NKX2-5: variants seen among roughly 807,000 people sequenced by gnomAD.
The protein encoded by NKX2-5 is homeobox protein Nkx-2.5.
A neutral mutation model predicts 24.5 loss-of-function variants in NKX2-5; 3 were observed. The observed-to-expected ratio is 0.12, with a 90% CI of 0.06 to 0.32. NKX2-5 has a LOEUF of 0.32. Among genes scored for constraint, NKX2-5 ranks in the 10% least tolerant of loss-of-function variants. The pLI is 1.00. For missense variants in NKX2-5, 429 were observed against 452.4 expected, an observed-to-expected ratio of 0.95 and a Z score of 0.47; for synonymous variants, 215 against 217.6, an observed-to-expected ratio of 0.99 and a Z score of 0.11.
At chr5:173,234,511 G>A (rs1172775049) in intron 1 of NKX2-5, among the ~76,000 whole-genome samples, 2 of 152,064 alleles carry the variant, frequency 1.3e-5, no homozygotes, top group African/African-American at 4.8e-5. Flanking sequence ...TTGTTAGGCC[G>A]GGGGGAAACG....
rs1761328985 is a variant in NKX2-5, at chr5:173,232,263, C to G, written c.*306G>C. 1 of 432,998 alleles carries G rather than the reference C, an allele frequency of 2.3e-6. No homozygotes were observed. Among genetic ancestry groups the G allele is most frequent in the Non-Finnish European group, 4.1e-6 (1 of 244,318 alleles). 26.8% of individuals were successfully genotyped at this position (432,998 alleles called of 1,614,324 possible). On this transcript the variant is annotated 3_prime_UTR_variant, in exon 2 of 2. Transcript: ENST00000329198. The surrounding 1 kb of genome is among the most constrained non-coding windows in gnomAD (Gnocchi z 5.9). ...CGGAATGGGCGGCCAGATCTCAGGC[C>G]CTGCGTGCCCGAGCTCAGTCCCAGT...
Position 173,232,602 on chromosome 5 carries a change from T to G in NKX2-5, c.942A>C (p.Gly314=), listed in dbSNP as rs1441431049. 1 of 1,612,446 alleles carries G rather than the reference T, an allele frequency of 6.2e-7. No individual in the cohort carries two copies. The highest frequency in any genetic ancestry group is 8.5e-7 in the Non-Finnish European group (1 of 1,180,002). ...CTCGGATACCATGCAGCGTGGACAC[T>G]CCCGAGTTGCTCTGCGGAATCCCGG... ...QSPGIPQSNS[G]VSTLHGIRAW Residue 314 remains glycine (G), a synonymous_variant, in exon 2 of 2, where the codon GGA becomes GGC. Transcript: ENST00000329198. The surrounding 1 kb of genome is among the most constrained non-coding windows in gnomAD (Gnocchi z 5.9).
Position 173,234,997 on chromosome 5 carries a change from G to C in NKX2-5, c.87C>G (p.Ala29=), listed in dbSNP as rs112320174. The change falls in exon 1 of 2, where the codon GCC becomes GCG. Residue 29 remains alanine, a synonymous_variant. Transcript: ENST00000329198. ...NLEQQQRSLA[A]AGELSARLEA... Reference sequence around the variant, plus strand: ...CCAGGCGGGCAGAGAGCTCTCCGGCGGCAGCCAGGCTGCGCTGCTGCTGTT... The same window carrying C: ...CCAGGCGGGCAGAGAGCTCTCCGGCCGCAGCCAGGCTGCGCTGCTGCTGTT... The C allele has an allele frequency of 6.2e-7, 1 of 1,612,172 alleles. No individual in the cohort carries two copies. Among genetic ancestry groups the C allele is most frequent in the South Asian group, 1.1e-5 (1 of 91,000 alleles).
intron 1 of NKX2-5, chr5:173,234,140 G>A (rs752176654): frequency 1.2e-5 from 15 of 1,288,464 alleles, no homozygotes; most frequent in Middle Eastern, 2.1e-4. Context: ...GGCAAGTTGT[G>A]CTGAAAAAAT....
At position 173,232,694 on chromosome 5, in the gene NKX2-5, C is replaced by T. The variant is rs988348581; in HGVS notation, c.850G>A (p.Ala284Thr). The T allele has an allele frequency of 6.2e-7, 1 of 1,610,588 alleles. No homozygotes were observed. Among genetic ancestry groups the T allele is most frequent in the Non-Finnish European group, 8.5e-7 (1 of 1,178,052 alleles). ...YPAGPSPAQP[A>T]TAAANNNFVN... Reference sequence around the variant, plus strand: ...AAGTTGTTGTTGGCGGCGGCAGTGGCCGGCTGCGCTGGGGAAGGCCCGGCG... The same window carrying T: ...AAGTTGTTGTTGGCGGCGGCAGTGGTCGGCTGCGCTGGGGAAGGCCCGGCG... The change falls in exon 2 of 2, where the codon GCC (alanine) becomes ACC (threonine). Residue 284 changes from alanine (A) to threonine (T), a missense_variant. Physicochemically the swap from Ala to Thr is moderately conservative, Grantham distance 58 (BLOSUM62 0). This residue lies in a region of NKX2-5 where 183 missense variants were observed against 185.9 expected (regional missense o/e 0.98). Transcript: ENST00000329198. This position sits in a 1 kb window ranked among gnomAD's most constrained non-coding sequence, Gnocchi z 5.9.
At chr5:173,233,769 C>T (rs1254570853) in intron 1 of NKX2-5, 42 of 930,190 alleles carry the variant, frequency 4.5e-5, no homozygotes, top group Non-Finnish European at 5.3e-5. Flanking sequence ...CAGGCGGCCT[C>T]GGAACCTGCC....
At chr5:173,233,604 A>C in intron 1 of NKX2-5, 1 of 699,246 alleles carries the variant, frequency 1.4e-6, no homozygotes, top group Non-Finnish European at 2.3e-6. Flanking sequence ...TTGAGAAGTT[A>C]AATGAACAGA....
rs369025518 is a variant in NKX2-5 at position 173,233,188 on chromosome 5, G to A, written c.356C>T (p.Ala119Val). The change falls in exon 2 of 2, where the codon GCG (alanine) becomes GTG (valine). Residue 119 changes from alanine (A) to valine (V), a missense_variant. By Grantham distance (64) the Ala-to-Val change is moderately conservative (BLOSUM62 0). This residue lies in a region of NKX2-5 where 240 missense variants were observed against 240.4 expected (regional missense o/e 1.00). Coordinates refer to ENST00000329198, the MANE Select transcript of NKX2-5 (RefSeq NM_004387.4). ...EKKELCALQK[A>V]VELEKTEADN... Reference sequence around the variant, plus strand: ...CGCCTCTGTCTTCTCCAGCTCCACCGCCTTCTGCAGCGCGCACAGCTCTGA... The same window carrying A: ...CGCCTCTGTCTTCTCCAGCTCCACCACCTTCTGCAGCGCGCACAGCTCTGA... 6 of 1,601,040 alleles carry A rather than the reference G, an allele frequency of 3.7e-6. No homozygotes were observed. The Admixed American group carries it at 6.7e-5, about 18-fold the overall frequency.
At chr5:173,234,603 C>T (rs1231952927) in intron 1 of NKX2-5, 147 bp downstream of exon 1, 6 of 714,462 alleles carry the variant, frequency 8.4e-6, no homozygotes, top group Non-Finnish European at 1.3e-5. Context: ...GGGAGCCTGG[C>T]GACAACACCA....
chr5:173,233,164 GC>G lies in NKX2-5; in HGVS notation c.379del (p.Ala127ArgfsTer49). 6.2e-7 allele frequency: 1 copy of G among 1,603,014 alleles called. No homozygotes were observed. The highest frequency in any genetic ancestry group is 8.5e-7 in the Non-Finnish European group (1 of 1,178,080). ...CGCCCGGGGCCGCTCCGCGTTGTCC[GC>G]CTCTGTCTTCTCCAGCTCCACCGCC... ...QKAVELEKTE[A>X]DNAERPRARR... On this transcript the variant is annotated frameshift_variant, in exon 2 of 2. Transcript: ENST00000329198. LOFTEE classifies it high-confidence loss of function.
At position 173,235,085 on chromosome 5, in the gene NKX2-5, G is replaced by C; in HGVS notation, c.-2C>G. 6.2e-7 allele frequency: 1 copy of C among 1,601,754 alleles called. No homozygotes were observed. The highest frequency in any genetic ancestry group is 8.5e-7 in the Non-Finnish European group (1 of 1,175,532). ...CGTGAGAGCAGGGCTGGGGAACATG[G>C]TGGCAGCGCCAGTCTCACAGCGCCA... is the stretch of plus-strand genomic sequence containing the variant. On this transcript the variant is annotated 5_prime_UTR_variant, in exon 1 of 2. Coordinates refer to ENST00000329198, the MANE Select transcript of NKX2-5 (RefSeq NM_004387.4).
chr5:173,233,039 C>A lies in NKX2-5; in HGVS notation c.505G>T (p.Asp169Tyr), dbSNP rs764390691. The A allele has an allele frequency of 6.2e-7, 1 of 1,606,518 alleles. No individual in the cohort carries two copies. Among genetic ancestry groups the A allele is most frequent in the South Asian group, 1.1e-5 (1 of 90,272 alleles). Residue 169 changes from aspartate (D) to tyrosine (Y), a missense_variant, in exon 2 of 2, where the codon GAC becomes TAC. Around this residue, in one of 3 missense-constraint regions of NKX2-5, gnomAD observed 240 missense variants for 240.4 expected, o/e 1.00. Transcript: ENST00000329198. ...QQRYLSAPER[D>Y]QLASVLKLTS... ...AGTTTCAGCACGCTGGCCAGCTGGT[C>A]GCGTTCGGGGGCCGACAGGTACCGC...
Position 173,233,274 on chromosome 5 carries a change from G to T in NKX2-5, c.335-65C>A, listed in dbSNP as rs1460973806. ...GCGGCTTGACCTACGGAGCGCGGCCGCACAGTAATGGTAAGGGATCCTCGT... is the reference window on the plus strand; with the variant it reads ...GCGGCTTGACCTACGGAGCGCGGCCTCACAGTAATGGTAAGGGATCCTCGT... On this transcript the variant is annotated intron_variant, in intron 1 of 1. Transcript: ENST00000329198. 5 of 1,561,626 alleles carry T rather than the reference G, an allele frequency of 3.2e-6. No individual in the cohort carries two copies. In the African/African-American group the frequency reaches 5.4e-5, roughly 17 times the overall value.
Position 173,232,340 on chromosome 5 carries a change from TA to T in NKX2-5, c.*228del. Reference sequence around the variant, plus strand: ...CGGAGGGCACTCCTGGGGGGACAGCTAAGACACCAGGCTGCAGGATCACTCA... The same window carrying T: ...CGGAGGGCACTCCTGGGGGGACAGCTAGACACCAGGCTGCAGGATCACTCA... On this transcript the variant is annotated 3_prime_UTR_variant, in exon 2 of 2. Transcript: ENST00000329198. The surrounding 1 kb of genome is among the most constrained non-coding windows in gnomAD (Gnocchi z 5.9). 1 of 797,542 alleles carries T rather than the reference TA, an allele frequency of 1.3e-6. No homozygotes were observed. The highest frequency in any genetic ancestry group is 1.9e-6 in the Non-Finnish European group (1 of 518,440). The allele number at this position is 797,542 out of a possible 1,614,324, so 49.4% of individuals were successfully genotyped here. A position where few individuals can be genotyped will look rare whatever the true frequency, so the allele number is the denominator to read the frequency against.
rs1761326600 is a variant in NKX2-5, at chr5:173,232,186, G to T, written c.*383C>A. 1.1e-5 allele frequency: 3 copies of T among 269,470 alleles called. No individual in the cohort carries two copies. Among genetic ancestry groups the T allele is most frequent in the African/African-American group, 6.8e-5 (3 of 44,430 alleles). 16.7% of individuals were successfully genotyped at this position (269,470 alleles called of 1,614,324 possible). ...TAAAAACATAAATACGGGTGGGTGC[G>T]TGGGCGGGCGACGGCGAGATAGCAA... On this transcript the variant is annotated 3_prime_UTR_variant, in exon 2 of 2. Transcript: ENST00000329198. The surrounding 1 kb of genome is among the most constrained non-coding windows in gnomAD (Gnocchi z 5.9).
At chr5:173,233,741 CA>C in intron 1 of NKX2-5, 3 of 698,326 alleles carry the variant, frequency 4.3e-6, no homozygotes, top group Non-Finnish European at 5.3e-6. Context: ...GCGCAGTGTC[CA>C]AGAAGCTGCG....
rs774983960 is a variant in NKX2-5 at position 173,232,627 on chromosome 5, G to T, written c.917C>A (p.Pro306His). ...TCCCGAGTTGCTCTGCGGAATCCCG[G>T]GGCTCTGAACCGCATTCAAGTCCCC... ...GVGDLNAVQS[P>H]GIPQSNSGVS... The change falls in exon 2 of 2, where the codon CCC becomes CAC. Residue 306 changes from proline to histidine, a missense_variant. Transcript: ENST00000329198. This position sits in a 1 kb window ranked among gnomAD's most constrained non-coding sequence, Gnocchi z 5.9. 1.2e-6 allele frequency: 2 copies of T among 1,613,640 alleles called. No homozygotes were observed. Among genetic ancestry groups the T allele is most frequent in the Non-Finnish European group, 1.7e-6 (2 of 1,180,008 alleles).
In NKX2-5 at chr5:173,232,316, G is replaced by T. The variant is rs553775519; in HGVS notation, c.*253C>A. On this transcript the variant is annotated 3_prime_UTR_variant, in exon 2 of 2. Transcript: ENST00000329198. The surrounding 1 kb of genome is among the most constrained non-coding windows in gnomAD (Gnocchi z 5.9). ...CAACCGGGGGTGCCCATGGACTCTC[G>T]GAGGGCACTCCTGGGGGGACAGCTA... The T allele has an allele frequency of 8.4e-5, 54 of 642,234 alleles. No individual in the cohort carries two copies. The South Asian group carries it at 1.0e-3, about 12-fold the overall frequency. 39.8% of individuals were successfully genotyped at this position (642,234 alleles called of 1,614,324 possible).
chr5:173,234,041 C>A (rs1055396946), intron 1 of NKX2-5: 1 of 1,288,906 alleles, frequency 7.8e-7, no homozygotes, highest in South Asian at 1.2e-5. Flanking sequence ...GGGATGATCC[C>A]GCACTCATCT....
Sources: gnomAD v4.1 joint callset for allele counts (sites outside exome capture counted in the v4.1 genomes callset) on GRCh38, gnomAD v4.1.1 for gene constraint, gnomAD v4.1.1 regional missense constraint, Gnocchi (gnomAD v3.1) non-coding constraint, MANE v1.5 for transcripts, NCBI Gene and HGNC (gene_info 2026-07-23, HGNC 2026-07-21) for gene names.